The following TRAF3IP1 variants were observed in gnomAD, a reference collection of about 807,000 sequenced individuals.
TRAF3IP1 encodes the protein TRAF3-interacting protein 1.
In TRAF3IP1, 53 loss-of-function variants were observed where a neutral mutation model predicts 89.9. The observed-to-expected ratio is 0.59, with a 90% confidence interval of 0.47 to 0.74. The LOEUF (loss-of-function observed/expected upper bound fraction) is 0.74. TRAF3IP1 is among the 30% of genes least tolerant of loss of function. The probability of loss-of-function intolerance (pLI) is 0.00; values close to 1 mark genes in which losing one functional copy is unlikely to be tolerated. For missense variants in TRAF3IP1, 806 were observed against 866.1 expected (o/e 0.93, Z 0.87); for synonymous variants, 311 against 322.1 (o/e 0.97, Z 0.37).
At chr2:238,393,048 G>T (rs1382281420) in intron 15 of TRAF3IP1, among the ~76,000 whole-genome samples, 2 of 152,184 alleles carry the variant, frequency 1.3e-5, no homozygotes, top group Non-Finnish European at 2.9e-5. Context: ...ATTTTCATTT[G>T]TTTGGATAAG....
intron 6 of TRAF3IP1, among the ~76,000 whole-genome samples, chr2:238,333,720 C>G (rs755695237): frequency 6.6e-6 from 1 of 152,130 alleles, no homozygotes; most frequent in African/African-American, 2.4e-5. Context: ...AGATTGTTGA[C>G]CTTTTTAGGG....
chr2:238,391,275 T>A (rs1700984368), intron 15 of TRAF3IP1, among the ~76,000 whole-genome samples: 1 of 152,324 alleles, frequency 6.6e-6, no homozygotes, highest in Admixed American at 6.5e-5. Flanking sequence ...TTTTCAATAA[T>A]TAACACAGCA....
At chr2:238,370,864 G>A (rs1261977613) in intron 15 of TRAF3IP1, among the ~76,000 whole-genome samples, 4 of 152,228 alleles carry the variant, frequency 2.6e-5, no homozygotes, top group African/African-American at 9.6e-5. Flanking sequence ...ACTTGCCAGA[G>A]GTGAAAAACG....
rs1446216607 is a variant in TRAF3IP1, at chr2:238,399,585, G to A, written c.*666G>A. The stretch of plus-strand genomic sequence containing the variant: ...TTAAAGTTCATAAATTTAAAAAGGA[G>A]ATTTCAGGATGGCCTTTATGGACGT... On this transcript the variant is annotated 3_prime_UTR_variant, in exon 17 of 17. Coordinates refer to ENST00000373327, the MANE Select transcript of TRAF3IP1 (RefSeq NM_015650.4). 2 of 152,088 alleles carry A rather than the reference G, an allele frequency of 1.3e-5. No homozygotes were observed. Among genetic ancestry groups the A allele is most frequent in the East Asian group, 3.9e-4 (2 of 5,184 alleles). 9.4% of individuals were successfully genotyped at this position (152,088 alleles called of 1,614,324 possible). A position where few individuals can be genotyped will look rare whatever the true frequency, so the allele number is the denominator to read the frequency against.
rs747324230 is a variant in TRAF3IP1 at position 238,352,858 on chromosome 2, A to G, written c.1483A>G (p.Ile495Val). ...GAGTGGTAAAACCGTTTCAAATGTG[A>G]TTACAGAGTCACACAATTCTGACAA... ...SGSGKTVSNV[I>V]TESHNSDNEE... The change falls in exon 13 of 17, where the codon ATT (isoleucine) becomes GTT (valine). Residue 495 changes from isoleucine to valine, a missense_variant. Ile to Val is a conservative substitution (Grantham distance 29, BLOSUM62 3). This residue lies in a region of TRAF3IP1 where 732 missense variants were observed against 780.5 expected (regional missense o/e 0.94). Transcript: ENST00000373327. 5.6e-6 allele frequency: 9 copies of G among 1,613,272 alleles called. No individual in the cohort carries two copies. In the Admixed American group the frequency reaches 1.5e-4, roughly 27 times the overall value.
At chr2:238,325,016 C>T (rs1202157303) in intron 1 of TRAF3IP1, among the ~76,000 whole-genome samples, 1 of 152,216 alleles carries the variant, frequency 6.6e-6, no homozygotes, top group Non-Finnish European at 1.5e-5. Flanking sequence ...CCTGCCACTC[C>T]TGCTCCCTCC....
intron 15 of TRAF3IP1, among the ~76,000 whole-genome samples, chr2:238,359,051 G>A (rs1229204912): frequency 6.6e-6 from 1 of 152,252 alleles, no homozygotes; most frequent in Non-Finnish European, 1.5e-5. Context: ...ATGAGCATGT[G>A]TGGCTGTATT....
At chr2:238,363,052 T>G (rs1699730068) in intron 15 of TRAF3IP1, among the ~76,000 whole-genome samples, 1 of 152,230 alleles carries the variant, frequency 6.6e-6, no homozygotes, top group Admixed American at 6.5e-5. Flanking sequence ...CTATACTTAG[T>G]TTTTCTTTTC....
intron 7 of TRAF3IP1, among the ~76,000 whole-genome samples, chr2:238,335,766 T>TTTTATTTA (rs141038702): frequency 0.016 from 2,161 of 137,104 alleles, 27 homozygotes; most frequent in Non-Finnish European, 0.021. Context: ...TTTTATTTTA[T>TTTTATTTA]TTTATTTATT....
intron 15 of TRAF3IP1, among the ~76,000 whole-genome samples, chr2:238,372,417 G>A (rs919586585): frequency 7.9e-5 from 12 of 152,170 alleles, no homozygotes; most frequent in Non-Finnish European, 1.8e-4. Flanking sequence ...TGCTTAGAAT[G>A]ATGGTTTCCA....
At chr2:238,365,745 G>T (rs1699848350) in intron 15 of TRAF3IP1, among the ~76,000 whole-genome samples, 1 of 152,024 alleles carries the variant, frequency 6.6e-6, no homozygotes, top group African/African-American at 2.4e-5. Flanking sequence ...GTTAAATTGG[G>T]AACTACTGAA....
At position 238,328,698 on chromosome 2, in the gene TRAF3IP1, G is replaced by T. The variant is rs937612546; in HGVS notation, c.367G>T (p.Asp123Tyr). 1 of 1,613,600 alleles carries T rather than the reference G, an allele frequency of 6.2e-7. No homozygotes were observed. The highest frequency in any genetic ancestry group is 1.3e-5 in the African/African-American group (1 of 74,832). ...KCCLNKLSSD[D>Y]AVRRVLAGEK... ...TTTGGACGACAAGCTCTCTAGTGACGATGCGGTGCGGAGGGTTTTAGCTGG... is the reference window on the plus strand; with the variant it reads ...TTTGGACGACAAGCTCTCTAGTGACTATGCGGTGCGGAGGGTTTTAGCTGG... Residue 123 changes from aspartate (D) to tyrosine (Y), a missense_variant, in exon 4 of 17, where the codon GAT becomes TAT. By Grantham distance (160) the Asp-to-Tyr change is radical. Coordinates refer to ENST00000373327, the MANE Select transcript of TRAF3IP1 (RefSeq NM_015650.4).
chr2:238,366,101 A>G (rs1050534080), intron 15 of TRAF3IP1, among the ~76,000 whole-genome samples: 1 of 152,026 alleles, frequency 6.6e-6, no homozygotes, highest in African/African-American at 2.4e-5. Flanking sequence ...AAGGGGTGGC[A>G]GGCGCCTGTA....
At chr2:238,329,371 T>C in intron 5 of TRAF3IP1, 29 bp downstream of exon 5, 1 of 1,341,228 alleles carries the variant, frequency 7.5e-7, no homozygotes. Context: ...CCTCGCCTTT[T>C]GCTTAGCAAG....
chr2:238,335,361 A>G (rs1198477545), intron 7 of TRAF3IP1, among the ~76,000 whole-genome samples: 1 of 152,208 alleles, frequency 6.6e-6, no homozygotes, highest in African/African-American at 2.4e-5. Flanking sequence ...CCGTGGTTCC[A>G]GGATCACTTA....
rs775230430 is a variant in TRAF3IP1, at chr2:238,329,183, G to C, written c.756G>C (p.Lys252Asn). 6.4e-7 allele frequency: 1 copy of C among 1,564,820 alleles called. No individual in the cohort carries two copies. The highest frequency in any genetic ancestry group is 1.4e-5 in the African/African-American group (1 of 72,578). Residue 252 changes from lysine to asparagine, a missense_variant, in exon 5 of 17, where the codon AAG becomes AAC. This residue lies in a region of TRAF3IP1 where 732 missense variants were observed against 780.5 expected (regional missense o/e 0.94). Transcript: ENST00000373327. ...AGCGCAAGAAGGAGACAGAGAGAAAGAGTGAGGGGGGGAAAGAGAAGGAGA... is the reference window on the plus strand; with the variant it reads ...AGCGCAAGAAGGAGACAGAGAGAAACAGTGAGGGGGGGAAAGAGAAGGAGA... ...DSERKKETER[K>N]SEGGKEKERL...
rs138242959 is a variant in TRAF3IP1 at position 238,325,350 on chromosome 2, C to T, written c.168C>T (p.Ala56=). The change falls in exon 2 of 17, where the codon GCC becomes GCT. Residue 56 remains alanine, a synonymous_variant. Coordinates refer to ENST00000373327, the MANE Select transcript of TRAF3IP1 (RefSeq NM_015650.4). ...TCATGAAGGGCCTCTACACAGACGC[C>T]GAGATGAAGTCTGATAATGTGAAGG... is the stretch of plus-strand genomic sequence containing the variant. The part of the protein sequence containing the change: ...TGFMKGLYTD[A]EMKSDNVKDK... 3.3e-5 allele frequency: 53 copies of T among 1,614,016 alleles called. No individual in the cohort carries two copies. The highest frequency in any genetic ancestry group is 2.8e-4 in the Admixed American group (17 of 60,010).
intron 7 of TRAF3IP1, among the ~76,000 whole-genome samples, chr2:238,334,437 C>A (rs1366298416): frequency 6.6e-6 from 1 of 152,230 alleles, no homozygotes. Context: ...TGTTTAAAAA[C>A]TGCAGAAATT....
rs979588712 is a variant in TRAF3IP1, at chr2:238,399,924, T to C, written c.*1005T>C. Reference sequence around the variant, plus strand: ...ATAGTTTTTCACTTACATATACTATTGTAAATACTTAGCAGAGTCTTAAGT... The same window carrying C: ...ATAGTTTTTCACTTACATATACTATCGTAAATACTTAGCAGAGTCTTAAGT... On this transcript the variant is annotated 3_prime_UTR_variant, in exon 17 of 17. Transcript: ENST00000373327. The C allele has an allele frequency of 2.0e-5, 3 of 152,226 alleles. No individual in the cohort carries two copies. Among genetic ancestry groups the C allele is most frequent in the African/African-American group, 7.2e-5 (3 of 41,456 alleles). The allele number at this position is 152,226 out of a possible 1,614,324, so 9.4% of individuals were successfully genotyped here.
Sources: allele counts gnomAD v4.1 joint callset (sites outside exome capture counted in the v4.1 genomes callset), GRCh38; gene constraint gnomAD v4.1.1; regional missense constraint gnomAD v4.1.1; transcripts MANE v1.5; gene names NCBI Gene and HGNC (gene_info 2026-07-23, HGNC 2026-07-21).